SH2D4B: variants seen among roughly 807,000 people sequenced by gnomAD.
SH2D4B encodes the protein SH2 domain-containing protein 4B.
Under a neutral mutation model 61.5 loss-of-function variants are expected in SH2D4B, and 45 were observed. That is an observed-to-expected ratio of 0.73 (90% CI 0.58 to 0.94). The LOEUF (loss-of-function observed/expected upper bound fraction) is 0.94, where lower values mean the gene tolerates loss of function less well. Ranked by LOEUF, SH2D4B falls within the 40% of genes least tolerant of loss-of-function variation. SH2D4B has a pLI of 0.00. For synonymous variants in SH2D4B, 224 were observed against 220.4 expected (o/e 1.02, Z -0.14); for missense variants, 572 against 574.2 (o/e 1.00, Z 0.04).
chr10:80,601,343 T>C (rs1842450364), intron 4 of SH2D4B, among the ~76,000 whole-genome samples: 1 of 152,228 alleles, frequency 6.6e-6, no homozygotes, highest in African/African-American at 2.4e-5. Flanking sequence ...GTCTCTTTTT[T>C]AAATGATGCT....
At chr10:80,601,309 C>G (rs532186577) in intron 4 of SH2D4B, among the ~76,000 whole-genome samples, 2 of 152,184 alleles carry the variant, frequency 1.3e-5, no homozygotes, top group Non-Finnish European at 2.9e-5. Context: ...GCTGCTGCCC[C>G]TAAGCTCTGA....
intron 1 of SH2D4B, among the ~76,000 whole-genome samples, chr10:80,568,201 G>A (rs186079639): frequency 2.6e-5 from 4 of 152,168 alleles, no homozygotes; most frequent in African/African-American, 9.6e-5. Context: ...TTTCTCCAAG[G>A]AGTACAGACA....
chr10:80,563,027 A>G (rs1028406218), intron 1 of SH2D4B, among the ~76,000 whole-genome samples: 3 of 145,950 alleles, frequency 2.1e-5, no homozygotes, highest in Non-Finnish European at 3.0e-5. Flanking sequence ...TCAGCCTCCC[A>G]AGTAGCTGGG....
At chr10:80,636,587 A>G (rs1840174238) in intron 7 of SH2D4B, among the ~76,000 whole-genome samples, 1 of 152,168 alleles carries the variant, frequency 6.6e-6, no homozygotes, top group Admixed American at 6.5e-5. Flanking sequence ...TTGGCTGCAT[A>G]GATGTCTTCT....
intron 4 of SH2D4B, among the ~76,000 whole-genome samples, chr10:80,598,400 T>G (rs1245397674): frequency 1.3e-5 from 2 of 152,156 alleles, no homozygotes; most frequent in African/African-American, 4.8e-5. Context: ...ATGTACGGTG[T>G]GGCAACTGAA....
chr10:80,553,526 A>G (rs1841789596), intron 1 of SH2D4B, among the ~76,000 whole-genome samples: 1 of 152,188 alleles, frequency 6.6e-6, no homozygotes, highest in Non-Finnish European at 1.5e-5. Flanking sequence ...TCCCAATGAC[A>G]GTTACACCAA....
At chr10:80,591,202 A>T (rs1339461130) in intron 4 of SH2D4B, among the ~76,000 whole-genome samples, 1 of 152,080 alleles carries the variant, frequency 6.6e-6, no homozygotes. Flanking sequence ...GTTGCTATGA[A>T]CATTTATGTA....
intron 4 of SH2D4B, among the ~76,000 whole-genome samples, chr10:80,601,624 G>C (rs1195355703): frequency 6.6e-6 from 1 of 152,250 alleles, no homozygotes; most frequent in Non-Finnish European, 1.5e-5. Context: ...TGGATATTCT[G>C]TATGGGACAC....
intron 3 of SH2D4B, among the ~76,000 whole-genome samples, chr10:80,586,121 G>A (rs527253576): frequency 1.4e-3 from 218 of 152,298 alleles, no homozygotes; most frequent in African/African-American, 5.0e-3. Flanking sequence ...GTGGGGCAGG[G>A]CTCGGGACCT....
chr10:80,565,168 T>A (rs192136932), intron 1 of SH2D4B, among the ~76,000 whole-genome samples: 1 of 152,316 alleles, frequency 6.6e-6, no homozygotes, highest in Non-Finnish European at 1.5e-5. Flanking sequence ...GTTTCAGTCT[T>A]GTATACCTAT....
chr10:80,620,178 A>G (rs1842702687), intron 6 of SH2D4B, among the ~76,000 whole-genome samples: 2 of 152,146 alleles, frequency 1.3e-5, no homozygotes, highest in Non-Finnish European at 1.5e-5. Flanking sequence ...TGTAATTCCC[A>G]ATGTTGGGAG....
chr10:80,574,290 C>T (rs541017294), intron 3 of SH2D4B, among the ~76,000 whole-genome samples: 1 of 152,162 alleles, frequency 6.6e-6, no homozygotes, highest in Non-Finnish European at 1.5e-5. Context: ...GCATGTGCCA[C>T]CACACCCAAC....
intron 4 of SH2D4B, among the ~76,000 whole-genome samples, chr10:80,590,580 G>A (rs1344298579): frequency 6.6e-6 from 1 of 152,186 alleles, no homozygotes; most frequent in Non-Finnish European, 1.5e-5. Flanking sequence ...GGAGGCTGTT[G>A]TGATGGTACA....
chr10:80,569,133 T>C (rs1401127523), intron 1 of SH2D4B, among the ~76,000 whole-genome samples: 2 of 152,256 alleles, frequency 1.3e-5, no homozygotes, highest in Non-Finnish European at 2.9e-5. Context: ...TGGCTGAATT[T>C]AACACAGGTT....
At chr10:80,571,702 A>G in intron 3 of SH2D4B, 124 bp downstream of exon 3, 1 of 1,068,756 alleles carries the variant, frequency 9.4e-7, no homozygotes, top group Non-Finnish European at 1.3e-6. Context: ...ATGAGAATAG[A>G]AATCTGTAAT....
At chr10:80,629,847 C>T (rs1842810361) in intron 6 of SH2D4B, among the ~76,000 whole-genome samples, 1 of 152,144 alleles carries the variant, frequency 6.6e-6, no homozygotes, top group Non-Finnish European at 1.5e-5. Context: ...TTGAAGTCAC[C>T]TGCTCTCAAG....
rs538625483 is a variant in SH2D4B, at chr10:80,562,584, T to C, written c.185-7570T>C. Among the ~76,000 whole-genome samples, 5 of 152,368 alleles carry C rather than the reference T, an allele frequency of 3.3e-5. No homozygotes were observed. The South Asian group carries it at 8.3e-4, about 25-fold the overall frequency. Reference sequence around the variant, plus strand: ...ATTGTGCATAATGCTGCAGTGAATATGGGAGTTCAGATAACTCTTCAGCAT... The same window carrying C: ...ATTGTGCATAATGCTGCAGTGAATACGGGAGTTCAGATAACTCTTCAGCAT... On this transcript the variant is annotated intron_variant, in intron 1 of 7. Coordinates refer to ENST00000646907, the MANE Select transcript of SH2D4B (RefSeq NM_001388272.1).
intron 4 of SH2D4B, among the ~76,000 whole-genome samples, chr10:80,593,268 A>C (rs1240793855): frequency 2.0e-5 from 3 of 152,222 alleles, no homozygotes; most frequent in African/African-American, 7.2e-5. Flanking sequence ...ATTACATGAA[A>C]TCTGTAGATC....
rs181866964 is a variant in SH2D4B at position 80,585,513 on chromosome 10, A to G, written c.496-3117A>G. On this transcript the variant is annotated intron_variant, in intron 3 of 7. Transcript: ENST00000646907. ...TATTTCTTAGTAGAGACGGGGTTTC[A>G]CCATGTTGGCCAGCTGGTCTCAAAC... is the stretch of plus-strand genomic sequence containing the variant. 2.5e-3 allele frequency among the ~76,000 whole-genome samples: 378 copies of G among 152,118 alleles called. 1 individual carries two copies. Among genetic ancestry groups the G allele is most frequent in the South Asian group, 5.0e-3 (24 of 4,810 alleles).
Sources: gnomAD v4.1 joint callset for allele counts (sites outside exome capture counted in the v4.1 genomes callset) on GRCh38, gnomAD v4.1.1 for gene constraint, MANE v1.5 for transcripts, NCBI Gene and HGNC (gene_info 2026-07-23, HGNC 2026-07-21) for gene names.